The following GCH1 variants were observed in gnomAD, a reference collection of about 807,000 sequenced individuals.
GCH1 encodes the protein GTP cyclohydrolase I.
A neutral mutation model predicts 25.9 loss-of-function variants in GCH1; 5 were observed. The observed-to-expected ratio is 0.19, with a 90% CI of 0.10 to 0.41. GCH1 has a LOEUF of 0.41. Ranked by LOEUF, GCH1 falls within the 10% of genes least tolerant of loss-of-function variation. GCH1 has a pLI of 1.00. For missense variants in GCH1, 261 were observed against 336.5 expected, an observed-to-expected ratio of 0.78 and a Z score of 1.75; for synonymous variants, 159 against 129.6, an observed-to-expected ratio of 1.23 and a Z score of -1.54.
chr14:54,865,259 A>G (rs2039974798), intron 2 of GCH1, 68 bp downstream of exon 2: 3 of 749,602 alleles, frequency 4.0e-6, no homozygotes, highest in Non-Finnish European at 6.9e-6. Context: ...AATTTTAAAT[A>G]TAATTATTCT....
intron 3 of GCH1, among the ~76,000 whole-genome samples, chr14:54,859,021 G>T (rs1360425583): frequency 1.3e-5 from 2 of 152,248 alleles, no homozygotes; most frequent in African/African-American, 2.4e-5. Flanking sequence ...AGAGCGAGGA[G>T]CGTGAACACT....
intron 1 of GCH1, among the ~76,000 whole-genome samples, chr14:54,872,252 T>A (rs1197884037): frequency 3.3e-5 from 5 of 151,996 alleles, no homozygotes; most frequent in Non-Finnish European, 7.4e-5. Flanking sequence ...AAACTAAGCT[T>A]CATAAGTGAA....
intron 3 of GCH1, among the ~76,000 whole-genome samples, chr14:54,855,804 A>C (rs2039802466): frequency 6.6e-6 from 1 of 152,090 alleles, no homozygotes; most frequent in Non-Finnish European, 1.5e-5. Context: ...ACAAAGCAAG[A>C]CTCCATCTCA....
At chr14:54,863,137 G>A (rs933741262) in intron 2 of GCH1, among the ~76,000 whole-genome samples, 2 of 152,020 alleles carry the variant, frequency 1.3e-5, no homozygotes, top group East Asian at 1.9e-4. Context: ...AAATATTTTA[G>A]GGCCAGGTGC....
Position 54,902,557 on chromosome 14 carries a change from G to T in GCH1, c.107C>A (p.Ala36Glu), listed in dbSNP as rs1431116951. The T allele has an allele frequency of 6.6e-7, 1 of 1,524,824 alleles. No individual in the cohort carries two copies. The highest frequency in any genetic ancestry group is 8.8e-7 in the Non-Finnish European group (1 of 1,137,526). The allele number at this position is 1,524,824 out of a possible 1,614,324, so 94.5% of individuals were successfully genotyped here. A position where few individuals can be genotyped will look rare whatever the true frequency, so the allele number is the denominator to read the frequency against. The change falls in exon 1 of 6, where the codon GCG becomes GAG. Residue 36 changes from alanine to glutamate, a missense_variant. Physicochemically the swap from Ala to Glu is moderately radical, Grantham distance 107 (BLOSUM62 -1). This residue lies in a region of GCH1 where 125 missense variants were observed against 128.7 expected (regional missense o/e 0.97). Transcript: ENST00000491895. ...GGCCTCGGGCCGCGGGGGCTTCTCC[G>T]CCGGCCTGCTGGGCCCGGGCCGCGG... is the stretch of plus-strand genomic sequence containing the variant. ...DPPRPGPSRP[A>E]EKPPRPEAKS...
chr14:54,899,134 A>G (rs1343165588), intron 1 of GCH1, among the ~76,000 whole-genome samples: 2 of 152,206 alleles, frequency 1.3e-5, no homozygotes, highest in East Asian at 1.9e-4. Flanking sequence ...ATCATAATGT[A>G]ATGCATGATT....
chr14:54,862,471 C>T (rs1022884181), intron 2 of GCH1, among the ~76,000 whole-genome samples: 1 of 146,272 alleles, frequency 6.8e-6, no homozygotes, highest in Non-Finnish European at 1.5e-5. Context: ...CAGCCTCGAC[C>T]TCCTGGGTTC....
At chr14:54,864,122 AAAGTGCTGGGATTACAG>A in intron 2 of GCH1, among the ~76,000 whole-genome samples, 1 of 152,108 alleles carries the variant, frequency 6.6e-6, no homozygotes, top group East Asian at 1.9e-4. Context: ...TCAGCCTTCC[AAAGTGCTGGGATTACAG>A]GCATGAACCA....
In GCH1 at chr14:54,848,414, C is replaced by T. The variant is rs142248621; in HGVS notation, c.510-1284G>A. Among the ~76,000 whole-genome samples, 34 of 152,296 alleles carry T rather than the reference C, an allele frequency of 2.2e-4. No individual in the cohort carries two copies. The East Asian group carries it at 5.2e-3, about 23-fold the overall frequency. Reference sequence around the variant, plus strand: ...TCTCCCAAAATGCTAGGATTACAGGCGTGAGCCCCTGTGCCCAGCCAGAAT... The same window carrying T: ...TCTCCCAAAATGCTAGGATTACAGGTGTGAGCCCCTGTGCCCAGCCAGAAT... On this transcript the variant is annotated intron_variant, in intron 3 of 5. Coordinates refer to ENST00000491895, the MANE Select transcript of GCH1 (RefSeq NM_000161.3).
intron 1 of GCH1, among the ~76,000 whole-genome samples, chr14:54,874,875 A>G (rs2040134897): frequency 6.6e-6 from 1 of 152,224 alleles, no homozygotes; most frequent in South Asian, 2.1e-4. Context: ...TTCCATGCTC[A>G]TGGGTGGGAA....
At chr14:54,844,693 G>A (rs537887270) in intron 5 of GCH1, among the ~76,000 whole-genome samples, 17 of 152,174 alleles carry the variant, frequency 1.1e-4, no homozygotes, top group African/African-American at 3.9e-4. Flanking sequence ...TTCACACCAC[G>A]TCACAGAACA....
In GCH1 at chr14:54,843,631, AAAAAC is replaced by A. The variant is rs769463198; in HGVS notation, c.*381_*385del. 1.5e-4 allele frequency: 226 copies of A among 1,497,846 alleles called. 2 individuals are homozygous for A. The South Asian group carries it at 2.7e-3, about 18-fold the overall frequency. 92.8% of individuals were successfully genotyped at this position (1,497,846 alleles called of 1,614,324 possible). A position where few individuals can be genotyped will look rare whatever the true frequency, so the allele number is the denominator to read the frequency against. ...ACACCACTTTTATTGGAGGAAGAAA[AAAAAC>A]AGTATACTGGGCACAGTTCCCTCTC... On this transcript the variant is annotated 3_prime_UTR_variant, in exon 6 of 6. Coordinates refer to ENST00000491895, the MANE Select transcript of GCH1 (RefSeq NM_000161.3).
chr14:54,899,934 G>C (rs146370398), intron 1 of GCH1, among the ~76,000 whole-genome samples: 2 of 151,220 alleles, frequency 1.3e-5, no homozygotes, highest in African/African-American at 4.9e-5. Context: ...GTGCGATCTC[G>C]GCTCACTGCA....
At chr14:54,845,634 T>TAA (rs2039630655) in intron 5 of GCH1, 134 bp downstream of exon 5, 1 of 732,564 alleles carries the variant, frequency 1.4e-6, no homozygotes, top group Non-Finnish European at 2.5e-6. Flanking sequence ...AGCTTTAGGC[T>TAA]CAGGGATGGA....
intron 2 of GCH1, 146 bp from the exon 3 acceptor site, chr14:54,859,882 A>T (rs2039868551): frequency 4.6e-6 from 3 of 654,558 alleles, no homozygotes; most frequent in Non-Finnish European, 8.2e-6. Context: ...GGAACTGTTA[A>T]GACTTAGAAA....
intron 1 of GCH1, among the ~76,000 whole-genome samples, chr14:54,887,799 T>C (rs1407242865): frequency 2.0e-5 from 3 of 152,214 alleles, no homozygotes; most frequent in Admixed American, 2.0e-4. Context: ...AATGTTAGTT[T>C]TCAATCTAGG....
intron 1 of GCH1, among the ~76,000 whole-genome samples, chr14:54,899,143 T>C (rs993637413): frequency 6.6e-5 from 10 of 152,164 alleles, no homozygotes; most frequent in African/African-American, 2.4e-4. Context: ...TAATGCATGA[T>C]TATATTCAAT....
In GCH1 at chr14:54,842,879, G is replaced by T; in HGVS notation, c.*1138C>A. 1 of 502,144 alleles carries T rather than the reference G, an allele frequency of 2.0e-6. No homozygotes were observed. Among genetic ancestry groups the T allele is most frequent in the Non-Finnish European group, 3.6e-6 (1 of 277,960 alleles). 31.1% of individuals were successfully genotyped at this position (502,144 alleles called of 1,614,324 possible). A position where few individuals can be genotyped will look rare whatever the true frequency, so the allele number is the denominator to read the frequency against. ...TATACCATCTATACGGAGTTACAAT[G>T]AGGACAAGACCCACATAGACCACAA... On this transcript the variant is annotated 3_prime_UTR_variant, in exon 6 of 6. Coordinates refer to ENST00000491895, the MANE Select transcript of GCH1 (RefSeq NM_000161.3).
chr14:54,901,788 A>G (rs1318102062), intron 1 of GCH1, among the ~76,000 whole-genome samples: 1 of 151,996 alleles, frequency 6.6e-6, no homozygotes, highest in Non-Finnish European at 1.5e-5. Flanking sequence ...GCACAACTCT[A>G]AGACTCCGAT....
Sources: gnomAD v4.1 joint callset for allele counts (sites outside exome capture counted in the v4.1 genomes callset) on GRCh38, gnomAD v4.1.1 for gene constraint, gnomAD v4.1.1 regional missense constraint, MANE v1.5 for transcripts, NCBI Gene and HGNC (gene_info 2026-07-23, HGNC 2026-07-21) for gene names.